Variants in TRAPPC8 observed in about 807,000 individuals in gnomAD.
The protein encoded by TRAPPC8 is general sporulation gene 1 homolog.
In TRAPPC8, 54 loss-of-function variants were observed where a neutral mutation model predicts 174.3. That is an observed-to-expected ratio of 0.31 (90% CI 0.25 to 0.39). The LOEUF is 0.39. Among genes scored for constraint, TRAPPC8 ranks in the 10% least tolerant of loss-of-function variants. The pLI, the probability that TRAPPC8 is intolerant of heterozygous loss-of-function variation, is 1.00. For missense variants in TRAPPC8, 1,531 were observed against 1,699.1 expected (o/e 0.90, Z 1.74); for synonymous variants, 630 against 579.9 (o/e 1.09, Z -1.24).
At position 31,899,661 on chromosome 18, in the gene TRAPPC8, C is replaced by T. The variant is rs8082921; in HGVS notation, c.1490+1264G>A. 8.9e-3 allele frequency among the ~76,000 whole-genome samples: 1,357 copies of T among 152,282 alleles called. 19 individuals carry two copies. Among genetic ancestry groups the T allele is most frequent in the African/African-American group, 0.03 (1,249 of 41,562 alleles). ...TCACTGAAGCTTAATAAAAATAATA[C>T]ATGGGCCTGGCGCGGTGGCTCGCAC... On this transcript the variant is annotated intron_variant, in intron 10 of 28. Coordinates refer to ENST00000283351, the MANE Select transcript of TRAPPC8 (RefSeq NM_014939.5).
chr18:31,912,383 T>G (rs1210906109), intron 5 of TRAPPC8, among the ~76,000 whole-genome samples: 1 of 151,962 alleles, frequency 6.6e-6, no homozygotes, highest in Non-Finnish European at 1.5e-5. Context: ...CCCACCTACT[T>G]GGGAGGCTGA....
intron 9 of TRAPPC8, among the ~76,000 whole-genome samples, chr18:31,906,079 A>T (rs2036643002): frequency 6.6e-6 from 1 of 152,026 alleles, no homozygotes; most frequent in Non-Finnish European, 1.5e-5. Context: ...AAAGGTTTTT[A>T]AAAACTTGGT....
rs141464081 is a variant in TRAPPC8, at chr18:31,852,340, C to A, written c.3561+106G>T. On this transcript the variant is annotated intron_variant, in intron 24 of 28. Transcript: ENST00000283351. ...AGACAGAGCAAGACCTTGTCTCCCC[C>A]CCAAAAAAAAGCGTTTGGGAATTAC... 171 of 1,274,416 alleles carry A rather than the reference C, an allele frequency of 1.3e-4. 2 individuals carry two copies. In the East Asian group the frequency reaches 3.2e-3, roughly 24 times the overall value. The allele number at this position is 1,274,416 out of a possible 1,614,324, so 78.9% of individuals were successfully genotyped here.
Position 31,907,646 on chromosome 18 carries a change from AC to A in TRAPPC8, c.1239-37del, listed in dbSNP as rs764100797. 7.4e-6 allele frequency: 11 copies of A among 1,485,112 alleles called. No individual in the cohort carries two copies. The South Asian group carries it at 1.2e-4, about 16-fold the overall frequency. The allele number at this position is 1,485,112 out of a possible 1,614,324, so 92.0% of individuals were successfully genotyped here. Reference sequence around the variant, plus strand: ...AAAAGAAAATAATTTATAATTTATTACCCCCCAAACCATTAAAATTATAAAA... The same window carrying A: ...AAAAGAAAATAATTTATAATTTATTACCCCCAAACCATTAAAATTATAAAA... On this transcript the variant is annotated intron_variant, in intron 8 of 28. Coordinates refer to ENST00000283351, the MANE Select transcript of TRAPPC8 (RefSeq NM_014939.5).
chr18:31,941,938 T>C (rs1175660459), intron 1 of TRAPPC8, among the ~76,000 whole-genome samples: 1 of 152,234 alleles, frequency 6.6e-6, no homozygotes, highest in East Asian at 1.9e-4. Flanking sequence ...TTTCCATCCC[T>C]ATAACTATAG....
chr18:31,914,420 T>A (rs1432697402), intron 4 of TRAPPC8, among the ~76,000 whole-genome samples: 1 of 152,202 alleles, frequency 6.6e-6, no homozygotes, highest in African/African-American at 2.4e-5. Context: ...GATACTTGAA[T>A]TACTACCTTA....
chr18:31,923,534 G>C (rs1221977720), intron 2 of TRAPPC8, among the ~76,000 whole-genome samples: 1 of 152,100 alleles, frequency 6.6e-6, no homozygotes, highest in Non-Finnish European at 1.5e-5. Flanking sequence ...CACATTAATG[G>C]TGAAAATTAG....
chr18:31,917,517 T>C (rs1312849253), intron 3 of TRAPPC8, 61 bp downstream of exon 3: 1 of 1,484,862 alleles, frequency 6.7e-7, no homozygotes, highest in Non-Finnish European at 9.2e-7. Flanking sequence ...CATTAACTAT[T>C]TCTGAGATTA....
At chr18:31,924,974 G>C (rs2037552170) in intron 2 of TRAPPC8, among the ~76,000 whole-genome samples, 1 of 152,008 alleles carries the variant, frequency 6.6e-6, no homozygotes, top group South Asian at 2.1e-4. Flanking sequence ...CCAGGACACA[G>C]CCAGAGAGCA....
chr18:31,926,636 A>C (rs1449185389), intron 2 of TRAPPC8: 1 of 152,158 alleles, frequency 6.6e-6, no homozygotes, highest in African/African-American at 2.4e-5. Context: ...GGGTTTCACC[A>C]TTTTAGTCAG....
chr18:31,891,207 G>GT (rs199568814), intron 11 of TRAPPC8: 9,084 of 154,202 alleles, frequency 0.059, 286 homozygotes, highest in Middle Eastern at 0.1. Context: ...CAGGTATACC[G>GT]ATAAAAAATA....
chr18:31,916,106 A>T (rs181158233), intron 4 of TRAPPC8, among the ~76,000 whole-genome samples, 166 bp downstream of exon 4: 1 of 152,134 alleles, frequency 6.6e-6, no homozygotes, highest in Non-Finnish European at 1.5e-5. Context: ...TGACTGTTGA[A>T]TATAATGCCA....
intron 12 of TRAPPC8, among the ~76,000 whole-genome samples, chr18:31,875,260 T>A (rs184139820): frequency 6.6e-6 from 1 of 151,540 alleles, no homozygotes; most frequent in African/African-American, 2.4e-5. Flanking sequence ...GATCAGAGAC[T>A]TACATTGAAT....
At chr18:31,862,425 A>C (rs1003056525) in intron 19 of TRAPPC8, among the ~76,000 whole-genome samples, 3 of 152,182 alleles carry the variant, frequency 2.0e-5, no homozygotes, top group Non-Finnish European at 4.4e-5. Context: ...GACTGCATCT[A>C]AAAGAGAACC....
chr18:31,880,082 A>AC (rs1491577761), intron 12 of TRAPPC8, among the ~76,000 whole-genome samples: 1 of 39,508 alleles, frequency 2.5e-5, no homozygotes, highest in African/African-American at 1.5e-4. Flanking sequence ...GAAACTATTG[A>AC]AAAAAAAAAT....
At position 31,880,090 on chromosome 18, in the gene TRAPPC8, A is replaced by AAAATATAT. The variant is rs1259899654; in HGVS notation, c.1729-5387_1729-5386insATATATTT. 7.1e-4 allele frequency among the ~76,000 whole-genome samples: 61 copies of AAAATATAT among 85,348 alleles called. 1 individual carries two copies. The highest frequency in any genetic ancestry group is 1.2e-3 in the Non-Finnish European group (57 of 45,698). 56.0% of individuals were successfully genotyped at this position (85,348 alleles called of 152,430 possible). On this transcript the variant is annotated intron_variant, in intron 12 of 28. Transcript: ENST00000283351. ...TTTTACTGAAACTATTGAAAAAAAA[A>AAAATATAT]ATATATATATATATATATATATATA...
At chr18:31,832,984 TCTTA>T (rs1337237803) in intron 27 of TRAPPC8, among the ~76,000 whole-genome samples, 6 of 152,214 alleles carry the variant, frequency 3.9e-5, no homozygotes, top group Admixed American at 2.0e-4. Flanking sequence ...CTTTATATCT[TCTTA>T]CTGAGAAATA....
At chr18:31,864,921 A>C (rs971155679) in intron 18 of TRAPPC8, 140 bp from the exon 19 acceptor site, 2 of 765,444 alleles carry the variant, frequency 2.6e-6, no homozygotes, top group African/African-American at 3.6e-5. Context: ...GATTAATCAA[A>C]GAATTTAGTA....
rs768602800 is a variant in TRAPPC8, at chr18:31,913,538, GA to G, written c.618-17del. The G allele has an allele frequency of 7.7e-6, 12 of 1,553,646 alleles. No homozygotes were observed. The Admixed American group carries it at 2.4e-4, about 30-fold the overall frequency. On this transcript the variant is annotated splice_polypyrimidine_tract_variant and intron_variant, in intron 4 of 28. Coordinates refer to ENST00000283351, the MANE Select transcript of TRAPPC8 (RefSeq NM_014939.5). ...TGATTCAGCTCTAAAACAGAAAATG[GA>G]AAAAAATCTGAAGTAAAAGAGGAGC...
Sources: gnomAD v4.1 joint callset for allele counts (sites outside exome capture counted in the v4.1 genomes callset) on GRCh38, gnomAD v4.1.1 for gene constraint, MANE v1.5 for transcripts, NCBI Gene and HGNC (gene_info 2026-07-23, HGNC 2026-07-21) for gene names.